The following HTT variants were observed in gnomAD, a reference collection of about 807,000 sequenced individuals.
HTT encodes huntingtin.
Under a neutral mutation model 362.3 loss-of-function variants are expected in HTT, and 104 were observed. The observed-to-expected ratio is 0.29, with a 90% confidence interval of 0.24 to 0.34. The LOEUF is 0.34. HTT is among the 10% of genes least tolerant of loss of function. The pLI is 1.00. For synonymous variants in HTT, 1,577 were observed against 1,548.7 expected (o/e 1.02, Z -0.43); for missense variants, 3,301 against 3,928.6 (o/e 0.84, Z 4.27).
chr4:3,128,053 C>T (rs1481766710), intron 12 of HTT, among the ~76,000 whole-genome samples: 2 of 152,190 alleles, frequency 1.3e-5, no homozygotes, highest in East Asian at 2.0e-4. Flanking sequence ...CCGCCTCAGC[C>T]TCCTGAGTAG....
rs1366614795 is a variant in HTT at position 3,143,451 on chromosome 4, AAAAAG to A, written c.3066+575_3066+579del. On this transcript the variant is annotated intron_variant, in intron 23 of 66. Coordinates refer to ENST00000355072, the MANE Select transcript of HTT (RefSeq NM_001388492.1). Reference sequence around the variant, plus strand: ...GACTCTGTCTCAAAAAAAAAAAAAAAAAAAGAAAAGAAAAAAGTAAACTACTGTCA... The same window carrying A: ...GACTCTGTCTCAAAAAAAAAAAAAAAAAAAGAAAAAAGTAAACTACTGTCA... Among the ~76,000 whole-genome samples, 9 of 150,614 alleles carry A rather than the reference AAAAAG, an allele frequency of 6.0e-5. No homozygotes were observed. The East Asian group carries it at 9.7e-4, about 16-fold the overall frequency.
chr4:3,150,501 C>G (rs576608547), intron 26 of HTT, among the ~76,000 whole-genome samples: 38 of 152,214 alleles, frequency 2.5e-4, no homozygotes, highest in Admixed American at 2.5e-3. Context: ...GTGGATATGT[C>G]AGACACGGTG....
intron 27 of HTT, among the ~76,000 whole-genome samples, chr4:3,155,897 CAA>C (rs544532624): frequency 2.6e-4 from 22 of 84,542 alleles, no homozygotes; most frequent in Admixed American, 4.0e-4. Flanking sequence ...GACTCCGTCT[CAA>C]AAAAAAAAAA....
At chr4:3,107,765 CA>C (rs1174568431) in intron 6 of HTT, among the ~76,000 whole-genome samples, 1 of 152,230 alleles carries the variant, frequency 6.6e-6, no homozygotes, top group Non-Finnish European at 1.5e-5. Flanking sequence ...GGAGAAAGCT[CA>C]CTGACGAGGC....
intron 1 of HTT, among the ~76,000 whole-genome samples, chr4:3,079,416 C>T (rs566301959): frequency 1.1e-3 from 171 of 152,192 alleles, no homozygotes; most frequent in Non-Finnish European, 2.0e-3. Context: ...GCCATCACAC[C>T]TGGCCAGATG....
chr4:3,238,601 G>A lies in HTT; in HGVS notation c.9046G>A (p.Val3016Met), dbSNP rs377159286. Reference sequence around the variant, plus strand: ...ATACCCCCAGTTCATGGCCACCGTGGTGTATAAGGTGAGGTTGCATGTGGG... The same window carrying A: ...ATACCCCCAGTTCATGGCCACCGTGATGTATAAGGTGAGGTTGCATGTGGG... ...QPYPQFMATV[V>M]YKVFQTLHST... The change falls in exon 65 of 67, where the codon GTG becomes ATG. Residue 3016 changes from valine to methionine, a missense_variant. Val to Met is a conservative substitution (Grantham distance 21). Around this residue, in one of 4 missense-constraint regions of HTT, gnomAD observed 753 missense variants for 1,021.3 expected, o/e 0.74. Coordinates refer to ENST00000355072, the MANE Select transcript of HTT (RefSeq NM_001388492.1). 12 of 1,603,478 alleles carry A rather than the reference G, an allele frequency of 7.5e-6. No individual in the cohort carries two copies. Among genetic ancestry groups the A allele is most frequent in the Non-Finnish European group, 1.0e-5 (12 of 1,175,118 alleles).
At chr4:3,161,159 A>G (rs957824571) in intron 29 of HTT, among the ~76,000 whole-genome samples, 2 of 152,094 alleles carry the variant, frequency 1.3e-5, no homozygotes, top group Non-Finnish European at 2.9e-5. Context: ...CTTGTGAGTG[A>G]GAACATGCGG....
intron 8 of HTT, among the ~76,000 whole-genome samples, chr4:3,117,998 CTT>C (rs1413826435): frequency 1.3e-5 from 2 of 152,214 alleles, no homozygotes; most frequent in African/African-American, 2.4e-5. Flanking sequence ...TTGTAAATCT[CTT>C]TGATGAACTG....
At chr4:3,148,454 C>A (rs1180922862) in intron 26 of HTT, among the ~76,000 whole-genome samples, 2 of 152,074 alleles carry the variant, frequency 1.3e-5, no homozygotes, top group Non-Finnish European at 2.9e-5. Flanking sequence ...GAGTTCGAGA[C>A]CAGCCTGGGC....
intron 3 of HTT, among the ~76,000 whole-genome samples, chr4:3,103,272 T>A (rs1714251607): frequency 7.0e-6 from 1 of 143,236 alleles, no homozygotes; most frequent in Admixed American, 7.3e-5. Context: ...TTGCCCAGGC[T>A]GGAGTGCAAT....
Position 3,151,054 on chromosome 4 carries a change from C to CA in HTT, c.3498+2861dup, listed in dbSNP as rs763028911. ...ACTCTGTCTCAAAAACAAAACAAAA[C>CA]AAAAAAAAAAAAAACCAGGCTGCAC... On this transcript the variant is annotated intron_variant, in intron 26 of 66. Coordinates refer to ENST00000355072, the MANE Select transcript of HTT (RefSeq NM_001388492.1). Among the ~76,000 whole-genome samples the CA allele has an allele frequency of 3.9e-3, 530 of 134,332 alleles. 1 individual carries two copies. The highest frequency in any genetic ancestry group is 8.5e-3 in the South Asian group (34 of 3,994). 88.1% of individuals were successfully genotyped at this position (134,332 alleles called of 152,430 possible).
intron 33 of HTT, among the ~76,000 whole-genome samples, chr4:3,176,786 G>A (rs1718263387): frequency 6.6e-6 from 1 of 152,326 alleles, no homozygotes; most frequent in Non-Finnish European, 1.5e-5. Flanking sequence ...TTGAGCTCCT[G>A]CTGTATGTTT....
At chr4:3,111,732 A>G (rs1714762492) in intron 6 of HTT, among the ~76,000 whole-genome samples, 1 of 151,922 alleles carries the variant, frequency 6.6e-6, no homozygotes, top group Admixed American at 6.6e-5. Flanking sequence ...ATCCCTCTCA[A>G]TCTTTGCCGG....
chr4:3,091,238 C>T (rs547572654), intron 2 of HTT, among the ~76,000 whole-genome samples: 1 of 152,094 alleles, frequency 6.6e-6, no homozygotes, highest in East Asian at 1.9e-4. Flanking sequence ...ATGTGTGTAT[C>T]TGTATGAATT....
At position 3,238,838 on chromosome 4, in the gene HTT, C is replaced by T. The variant is rs755338053; in HGVS notation, c.9075C>T (p.Ser3025=). The change falls in exon 66 of 67, where the codon AGC becomes AGT. Residue 3025 remains serine, a synonymous_variant. Transcript: ENST00000355072. ...TGCAGGTGTTTCAGACTCTGCACAG[C>T]ACCGGGCAGTCGTCCATGGTCCGGG... ...VVYKVFQTLH[S]TGQSSMVRDW... 4.3e-6 allele frequency: 7 copies of T among 1,611,954 alleles called. No individual in the cohort carries two copies. Among genetic ancestry groups the T allele is most frequent in the Non-Finnish European group, 5.1e-6 (6 of 1,179,704 alleles).
chr4:3,173,160 T>C (rs370548403), intron 31 of HTT, 29 bp downstream of exon 31: 53 of 1,566,280 alleles, frequency 3.4e-5, no homozygotes, highest in Non-Finnish European at 4.2e-5. Context: ...ATGCTGTCGT[T>C]GGTGGAAGCA....
In HTT at chr4:3,178,421, C is replaced by T; in HGVS notation, c.4587C>T (p.Ala1529=). The change falls in exon 35 of 67, where the codon GCC becomes GCT. Residue 1529 remains alanine, a synonymous_variant. Transcript: ENST00000355072. ...TTCAGCTCTGTGATGGCATCATGGC[C>T]AGTGGAAGGAAGGCTGTGACACATG... ...KIIQLCDGIM[A]SGRKAVTHAI... 6.2e-7 allele frequency: 1 copy of T among 1,613,758 alleles called. No homozygotes were observed. Among genetic ancestry groups the T allele is most frequent in the Non-Finnish European group, 8.5e-7 (1 of 1,179,828 alleles).
In HTT at chr4:3,228,798, C is replaced by T. The variant is rs1721050059; in HGVS notation, c.7979+53C>T. 3.8e-6 allele frequency: 6 copies of T among 1,570,032 alleles called. No homozygotes were observed. Among genetic ancestry groups the T allele is most frequent in the Admixed American group, 3.7e-5 (2 of 54,684 alleles). Reference sequence around the variant, plus strand: ...CAGAAATTTGAAATTTCTTATCAGTCATTTGATTTGTTTGAGGTGCTTCTT... The same window carrying T: ...CAGAAATTTGAAATTTCTTATCAGTTATTTGATTTGTTTGAGGTGCTTCTT... On this transcript the variant is annotated intron_variant, in intron 58 of 66. Coordinates refer to ENST00000355072, the MANE Select transcript of HTT (RefSeq NM_001388492.1). This position sits in a 1 kb window ranked among gnomAD's most constrained non-coding sequence, Gnocchi z 4.3.
At chr4:3,169,526 T>C (rs1717873537) in intron 29 of HTT, among the ~76,000 whole-genome samples, 3 of 152,188 alleles carry the variant, frequency 2.0e-5, no homozygotes, top group Admixed American at 2.0e-4. Flanking sequence ...TCTTCTACAG[T>C]GTCTACTCTG....
Sources: allele counts gnomAD v4.1 joint callset (sites outside exome capture counted in the v4.1 genomes callset), GRCh38; gene constraint gnomAD v4.1.1; regional missense constraint gnomAD v4.1.1; non-coding constraint Gnocchi (gnomAD v3.1); transcripts MANE v1.5; gene names NCBI Gene and HGNC (gene_info 2026-07-23, HGNC 2026-07-21).